Variants in MARCHF1 observed in about 807,000 individuals in gnomAD.
MARCHF1 encodes the protein E3 ubiquitin-protein ligase MARCHF1.
Under a neutral mutation model 54.2 loss-of-function variants are expected in MARCHF1, and 40 were observed. The observed-to-expected ratio is 0.74, with a 90% confidence interval of 0.57 to 0.96. The LOEUF (loss-of-function observed/expected upper bound fraction) is 0.96, where lower values mean the gene tolerates loss of function less well. Among genes scored for constraint, MARCHF1 ranks in the 40% least tolerant of loss-of-function variants. The pLI is 0.00. For synonymous variants in MARCHF1, 236 were observed against 236.3 expected (o/e 1.00, Z 0.01); for missense variants, 586 against 656.5 (o/e 0.89, Z 1.17).
intron 1 of MARCHF1, among the ~76,000 whole-genome samples, chr4:164,228,112 T>C (rs2111170597): frequency 6.6e-6 from 1 of 152,234 alleles, no homozygotes; most frequent in South Asian, 2.1e-4. Flanking sequence ...TGTGAACTGA[T>C]GACGATGATG....
intron 5 of MARCHF1, among the ~76,000 whole-genome samples, chr4:163,647,039 C>T (rs1308541381): frequency 6.6e-6 from 1 of 152,034 alleles, no homozygotes; most frequent in East Asian, 1.9e-4. Flanking sequence ...TAAGGACACA[C>T]ATAGACTGAA....
intron 4 of MARCHF1, among the ~76,000 whole-genome samples, chr4:163,801,279 T>G (rs927981598): frequency 5.9e-5 from 9 of 152,156 alleles, no homozygotes; most frequent in African/African-American, 2.2e-4. Flanking sequence ...TTTTCTGTTT[T>G]TAGTCATAGA....
At chr4:164,334,230 C>T (rs566471415) in intron 1 of MARCHF1, among the ~76,000 whole-genome samples, 57 of 152,106 alleles carry the variant, frequency 3.7e-4, no homozygotes, top group East Asian at 5.8e-4. Context: ...ATGAAACTGA[C>T]GTGTATTGGA....
At chr4:164,328,107 A>AT (rs946245173) in intron 1 of MARCHF1, among the ~76,000 whole-genome samples, 12 of 151,852 alleles carry the variant, frequency 7.9e-5, no homozygotes, top group African/African-American at 1.4e-4. Flanking sequence ...TGGATCTTGA[A>AT]TTTTTTTTTA....
At chr4:164,159,086 C>T (rs1730160073) in intron 1 of MARCHF1, among the ~76,000 whole-genome samples, 1 of 152,176 alleles carries the variant, frequency 6.6e-6, no homozygotes, top group Admixed American at 6.5e-5. Context: ...TCATGATTGA[C>T]TTGTGTGGCA....
intron 2 of MARCHF1, among the ~76,000 whole-genome samples, chr4:164,026,594 A>G (rs754156032): frequency 2.6e-5 from 4 of 152,136 alleles, no homozygotes; most frequent in Non-Finnish European, 4.4e-5. Context: ...ACTCAAAATA[A>G]TAAGAGCCAT....
rs1436299421 is a variant in MARCHF1, at chr4:163,585,782, G to A, written c.1158C>T (p.Phe386=). Residue 386 remains phenylalanine, a synonymous_variant, in exon 8 of 10, where the codon TTC becomes TTT. Coordinates refer to ENST00000514618, the MANE Select transcript of MARCHF1 (RefSeq NM_001394959.1). ...GGGGTTTGAGCTTGGTCTCCATTAT[G>A]AAGTCATACTTGCAGAGCTCACAGC... is the stretch of plus-strand genomic sequence containing the variant. ...TRCCELCKYD[F]IMETKLKPLR... 3 of 1,611,936 alleles carry A rather than the reference G, an allele frequency of 1.9e-6. No homozygotes were observed. Among genetic ancestry groups the A allele is most frequent in the Non-Finnish European group, 2.5e-6 (3 of 1,178,806 alleles).
chr4:163,683,913 A>ACTCG (rs1323352793), intron 5 of MARCHF1, among the ~76,000 whole-genome samples: 1 of 151,534 alleles, frequency 6.6e-6, no homozygotes, highest in Non-Finnish European at 1.5e-5. Flanking sequence ...TCACTCACTC[A>ACTCG]CTCACTCACT....
chr4:163,626,194 A>C (rs1027692141), intron 5 of MARCHF1, among the ~76,000 whole-genome samples: 2 of 152,256 alleles, frequency 1.3e-5, no homozygotes, highest in African/African-American at 4.8e-5. Flanking sequence ...AGTATAATTA[A>C]AGGCAGTAAT....
At chr4:163,735,589 CAT>C (rs1366755499) in intron 4 of MARCHF1, among the ~76,000 whole-genome samples, 17 of 152,144 alleles carry the variant, frequency 1.1e-4, no homozygotes, top group Admixed American at 7.9e-4. Flanking sequence ...TATGTCCTGA[CAT>C]GTGTGAAGTT....
chr4:164,315,620 AC>A (rs1432359658), intron 1 of MARCHF1, among the ~76,000 whole-genome samples: 1 of 152,304 alleles, frequency 6.6e-6, no homozygotes, highest in East Asian at 1.9e-4. Context: ...TTTAGAACTT[AC>A]TTTAGCTGCC....
intron 3 of MARCHF1, among the ~76,000 whole-genome samples, chr4:163,873,062 CAAACAAAA>C (rs1750210273): frequency 7.5e-6 from 1 of 133,040 alleles, no homozygotes; most frequent in African/African-American, 2.7e-5. Flanking sequence ...AACAAACAAA[CAAACAAAA>C]AAAAACAAAC....
Position 163,612,787 on chromosome 4 carries a change from G to A in MARCHF1, c.494C>T (p.Thr165Ile), listed in dbSNP as rs981332376. 2.6e-6 allele frequency: 4 copies of A among 1,535,186 alleles called. No individual in the cohort carries two copies. The highest frequency in any genetic ancestry group is 3.5e-6 in the Non-Finnish European group (4 of 1,146,518). Residue 165 changes from threonine (T) to isoleucine (I), a missense_variant, in exon 7 of 10, where the codon ACA becomes ATA. Coordinates refer to ENST00000514618, the MANE Select transcript of MARCHF1 (RefSeq NM_001394959.1). ...LYTDSSDSSS[T>I]DESHWIQAKR... is the part of the protein sequence containing the mutation. ...TGCCTGAATCCAATGACTCTCATCTGTGGAAGATGAATCTGAAGAATCTGT... is the reference window on the plus strand; with the variant it reads ...TGCCTGAATCCAATGACTCTCATCTATGGAAGATGAATCTGAAGAATCTGT...
chr4:163,557,397 A>C (rs1455402716), intron 8 of MARCHF1, among the ~76,000 whole-genome samples: 1 of 152,222 alleles, frequency 6.6e-6, no homozygotes, highest in African/African-American at 2.4e-5. Flanking sequence ...GTTTGAACCA[A>C]AGAAAGCTTC....
intron 5 of MARCHF1, among the ~76,000 whole-genome samples, chr4:163,672,129 A>G (rs1420593030): frequency 6.6e-6 from 1 of 152,170 alleles, no homozygotes; most frequent in Non-Finnish European, 1.5e-5. Flanking sequence ...TGTGATCTTG[A>G]GCATGTATTT....
At chr4:163,957,058 C>A (rs1348007245) in intron 3 of MARCHF1, among the ~76,000 whole-genome samples, 5 of 151,816 alleles carry the variant, frequency 3.3e-5, no homozygotes, top group Non-Finnish European at 7.4e-5. Context: ...TTTTTAAATG[C>A]TAAATAATTA....
intron 4 of MARCHF1, among the ~76,000 whole-genome samples, chr4:163,815,754 TAA>T (rs940379131): frequency 5.9e-5 from 9 of 152,180 alleles, no homozygotes; most frequent in African/African-American, 2.2e-4. Flanking sequence ...ATAGATTTTA[TAA>T]GATACCAGAA....
chr4:164,032,094 T>C (rs1753889297), intron 2 of MARCHF1, among the ~76,000 whole-genome samples: 1 of 152,204 alleles, frequency 6.6e-6, no homozygotes, highest in Non-Finnish European at 1.5e-5. Flanking sequence ...TATCCAGTTC[T>C]TCTAGATTTT....
intron 8 of MARCHF1, among the ~76,000 whole-genome samples, chr4:163,565,055 T>G (rs1405043394): frequency 6.6e-6 from 1 of 152,196 alleles, no homozygotes; most frequent in African/African-American, 2.4e-5. Flanking sequence ...GTCTTTTCAG[T>G]GACTTAATTC....
Sources: allele counts gnomAD v4.1 joint callset (sites outside exome capture counted in the v4.1 genomes callset), GRCh38; gene constraint gnomAD v4.1.1; transcripts MANE v1.5; gene names NCBI Gene and HGNC (gene_info 2026-07-23, HGNC 2026-07-21).